The following SYNE2 variants were observed in gnomAD, a reference collection of about 807,000 sequenced individuals.
SYNE2 encodes the protein nesprin-2.
A neutral mutation model predicts 856.3 loss-of-function variants in SYNE2; 431 were observed. The ratio of observed to expected loss-of-function variants is 0.50; its 90% confidence interval spans 0.47 to 0.55. The LOEUF (loss-of-function observed/expected upper bound fraction) is 0.55, where lower values mean the gene tolerates loss of function less well. SYNE2 is among the 20% of genes least tolerant of loss of function. The pLI is 0.00. For synonymous variants in SYNE2, 2,923 were observed against 2,872.3 expected (o/e 1.02, Z -0.56); for missense variants, 8,129 against 8,023.2 (o/e 1.01, Z -0.50).
chr14:64,040,656 A>G (rs1208009972), intron 45 of SYNE2, among the ~76,000 whole-genome samples: 2 of 147,808 alleles, frequency 1.4e-5, no homozygotes, highest in East Asian at 2.0e-4. Context: ...AAATATTTTC[A>G]GAAATATATA....
At chr14:63,916,782 C>G (rs997857603) in intron 2 of SYNE2, among the ~76,000 whole-genome samples, 3 of 152,032 alleles carry the variant, frequency 2.0e-5, no homozygotes, top group Non-Finnish European at 4.4e-5. Context: ...GGAAGAGGAA[C>G]ACTATTAATA....
intron 96 of SYNE2, among the ~76,000 whole-genome samples, chr14:64,180,917 T>C (rs1321519615): frequency 6.6e-6 from 1 of 152,252 alleles, no homozygotes; most frequent in African/African-American, 2.4e-5. Context: ...TTATATTTCC[T>C]AACTGATTAT....
At chr14:64,125,282 G>A in intron 71 of SYNE2, 72 bp downstream of exon 71, 1 of 1,595,650 alleles carries the variant, frequency 6.3e-7, no homozygotes, top group East Asian at 2.3e-5. Context: ...ATTGTGACTT[G>A]GTCATAATTG....
At chr14:63,979,638 C>A (rs921362058) in intron 14 of SYNE2, among the ~76,000 whole-genome samples, 2 of 152,198 alleles carry the variant, frequency 1.3e-5, no homozygotes, top group Non-Finnish European at 2.9e-5. Context: ...TGGGGCTGGG[C>A]GCGGTGGCGC....
At chr14:63,865,722 C>CA (rs1486940870) in intron 1 of SYNE2, among the ~76,000 whole-genome samples, 8 of 112,190 alleles carry the variant, frequency 7.1e-5, no homozygotes, top group Admixed American at 1.8e-4. Context: ...CCACCCCCCC[C>CA]CCAAAAAAAA....
rs1469966984 is a variant in SYNE2, at chr14:64,190,256, A to G, written c.18038+19A>G. 6.2e-7 allele frequency: 1 copy of G among 1,614,018 alleles called. No homozygotes were observed. Among genetic ancestry groups the G allele is most frequent in the East Asian group, 2.2e-5 (1 of 44,880 alleles). On this transcript the variant is annotated intron_variant, in intron 99 of 115. Coordinates refer to ENST00000555002, the MANE Select transcript of SYNE2 (RefSeq NM_182914.3). Reference sequence around the variant, plus strand: ...GATCAAGGTAAGAAATGGGCTAAAAATGATTACTCTCCAGGAACAGTAATT... The same window carrying G: ...GATCAAGGTAAGAAATGGGCTAAAAGTGATTACTCTCCAGGAACAGTAATT...
At chr14:63,768,995 T>C (rs1486904951) in intron 1 of SYNE2, among the ~76,000 whole-genome samples, 2 of 152,024 alleles carry the variant, frequency 1.3e-5, no homozygotes, top group Admixed American at 1.3e-4. Context: ...AGAGGACAGG[T>C]TGAGCATGGT....
chr14:64,084,836 C>A lies in SYNE2; in HGVS notation c.11485-2835C>A, dbSNP rs183751513. On this transcript the variant is annotated intron_variant, in intron 57 of 115. Coordinates refer to ENST00000555002, the MANE Select transcript of SYNE2 (RefSeq NM_182914.3). ...TGGCTCAAGGTCTCTCATGAGAATGCGGTCAAGGTGTCGACAAAGGCTGCA... is the reference window on the plus strand; with the variant it reads ...TGGCTCAAGGTCTCTCATGAGAATGAGGTCAAGGTGTCGACAAAGGCTGCA... 7.3e-5 allele frequency: 46 copies of A among 632,508 alleles called. No individual in the cohort carries two copies. In the African/African-American group the frequency reaches 7.4e-4, roughly 10 times the overall value. The allele number at this position is 632,508 out of a possible 1,614,324, so 39.2% of individuals were successfully genotyped here.
At chr14:64,208,223 C>T (rs1260585170) in intron 100 of SYNE2, 1 of 452,192 alleles carries the variant, frequency 2.2e-6, no homozygotes, top group Non-Finnish European at 4.4e-6. Flanking sequence ...CCCTTGGGCT[C>T]ATGAAGCCCT....
chr14:63,828,309 A>C (rs1325709858), intron 1 of SYNE2, among the ~76,000 whole-genome samples: 1 of 152,168 alleles, frequency 6.6e-6, no homozygotes, highest in Non-Finnish European at 1.5e-5. Context: ...TATTTACATT[A>C]TGTTAGGTAT....
chr14:63,768,189 CA>C (rs879394744), intron 1 of SYNE2, among the ~76,000 whole-genome samples: 110 of 136,896 alleles, frequency 8.0e-4, no homozygotes, highest in African/African-American at 8.3e-4. Flanking sequence ...GACCATGTCT[CA>C]AAAAAAAAAA....
intron 1 of SYNE2, among the ~76,000 whole-genome samples, chr14:63,790,622 C>G (rs1472863083): frequency 6.6e-6 from 1 of 152,126 alleles, no homozygotes; most frequent in African/African-American, 2.4e-5. Flanking sequence ...ACAGTAGTTT[C>G]TTATCAATGA....
chr14:63,997,473 G>A (rs2096722267), intron 25 of SYNE2, 82 bp downstream of exon 25: 5 of 1,114,936 alleles, frequency 4.5e-6, no homozygotes, highest in Admixed American at 2.0e-5. Context: ...TCATTAATTA[G>A]GTGTTGGTTT....
intron 63 of SYNE2, chr14:64,099,982 A>G (rs902937546): frequency 1.3e-5 from 2 of 152,120 alleles, no homozygotes; most frequent in Non-Finnish European, 2.9e-5. Context: ...ATTACTGGGT[A>G]TATACCCAAA....
At chr14:64,123,519 T>A (rs2097914083) in intron 70 of SYNE2, among the ~76,000 whole-genome samples, 1 of 152,230 alleles carries the variant, frequency 6.6e-6, no homozygotes, top group African/African-American at 2.4e-5. Flanking sequence ...CCTTGGTTTC[T>A]CCATATTACA....
At chr14:63,855,538 C>T (rs1289443184) in intron 1 of SYNE2, among the ~76,000 whole-genome samples, 1 of 152,162 alleles carries the variant, frequency 6.6e-6, no homozygotes, top group Admixed American at 6.5e-5. Context: ...TGGAATGACC[C>T]CCTGTCCCTA....
At chr14:64,022,900 A>G (rs1462652725) in intron 38 of SYNE2, 37 bp downstream of exon 38, 3 of 1,038,716 alleles carry the variant, frequency 2.9e-6, no homozygotes, top group East Asian at 5.2e-5. Context: ...AAAAATTTTC[A>G]ATACTAAAAT....
chr14:63,949,551 A>G (rs2096117135), intron 6 of SYNE2, among the ~76,000 whole-genome samples: 1 of 152,166 alleles, frequency 6.6e-6, no homozygotes, highest in Admixed American at 6.5e-5. Context: ...CTCCATAAGC[A>G]CTTCAGGTGG....
At chr14:63,950,735 C>T (rs1304936952) in intron 7 of SYNE2, among the ~76,000 whole-genome samples, 1 of 152,156 alleles carries the variant, frequency 6.6e-6, no homozygotes, top group Non-Finnish European at 1.5e-5. Flanking sequence ...TGGCTCACTA[C>T]AGCCTTGACC....
Sources: gnomAD v4.1 joint callset for allele counts (sites outside exome capture counted in the v4.1 genomes callset) on GRCh38, gnomAD v4.1.1 for gene constraint, MANE v1.5 for transcripts, NCBI Gene and HGNC (gene_info 2026-07-23, HGNC 2026-07-21) for gene names.